The following MAP3K1 variants were observed in gnomAD, a reference collection of about 807,000 sequenced individuals.
MAP3K1 encodes mitogen-activated protein kinase kinase kinase 1, also known as MAP/ERK kinase kinase 1.
Under a neutral mutation model 144.2 loss-of-function variants are expected in MAP3K1, and 36 were observed. The ratio of observed to expected loss-of-function variants is 0.25; its 90% CI spans 0.19 to 0.33. The LOEUF is 0.33. Ranked by LOEUF, MAP3K1 falls within the 10% of genes least tolerant of loss-of-function variation. The probability of loss-of-function intolerance (pLI) is 1.00; values close to 1 mark genes in which losing one functional copy is unlikely to be tolerated. For missense variants in MAP3K1, 1,650 were observed against 1,881.9 expected (o/e 0.88, Z 2.28); for synonymous variants, 718 against 688.7 (o/e 1.04, Z -0.67).
In MAP3K1 at chr5:56,865,351, T is replaced by C; in HGVS notation, c.1047T>C (p.Cys349=). The C allele has an allele frequency of 1.2e-6, 2 of 1,602,254 alleles. No homozygotes were observed. Among genetic ancestry groups the C allele is most frequent in the Non-Finnish European group, 1.7e-6 (2 of 1,169,276 alleles). The stretch of plus-strand genomic sequence containing the variant: ...TTTTAACTCTTTAGAACTGCAGCTG[T>C]GCACGTGGAACATTCTGTATTCATC... The part of the protein sequence containing the change: ...RVFIGPQNCS[C]ARGTFCIHLL... Residue 349 remains cysteine (C), a synonymous_variant, in exon 5 of 20, where the codon TGT becomes TGC. Transcript: ENST00000399503.
chr5:56,860,586 C>G (rs1325445726), intron 3 of MAP3K1, among the ~76,000 whole-genome samples: 5 of 152,178 alleles, frequency 3.3e-5, no homozygotes, highest in Non-Finnish European at 7.3e-5. Flanking sequence ...GGAGCGGTGG[C>G]TCACATCTAT....
At chr5:56,833,896 G>A (rs780559246) in intron 1 of MAP3K1, among the ~76,000 whole-genome samples, 3 of 152,022 alleles carry the variant, frequency 2.0e-5, no homozygotes, top group Non-Finnish European at 4.4e-5. Context: ...ATAAGTTAAC[G>A]AATGCCTGCC....
At chr5:56,831,345 A>G (rs1760761297) in intron 1 of MAP3K1, among the ~76,000 whole-genome samples, 1 of 152,130 alleles carries the variant, frequency 6.6e-6, no homozygotes, top group Admixed American at 6.6e-5. Flanking sequence ...AGCAGGGGGT[A>G]GAAAAGGGAA....
chr5:56,875,318 G>A lies in MAP3K1; in HGVS notation c.1965+8G>A. Reference sequence around the variant, plus strand: ...GTGTACGTTGCTGCTTTAGTAAGTAGCTTTATTCCATAATCATATCATTAT... The same window carrying A: ...GTGTACGTTGCTGCTTTAGTAAGTAACTTTATTCCATAATCATATCATTAT... On this transcript the variant is annotated splice_region_variant and intron_variant, in intron 10 of 19. Coordinates refer to ENST00000399503, the MANE Select transcript of MAP3K1 (RefSeq NM_005921.2). The A allele has an allele frequency of 6.2e-7, 1 of 1,613,584 alleles. No homozygotes were observed. The highest frequency in any genetic ancestry group is 8.5e-7 in the Non-Finnish European group (1 of 1,179,910).
intron 6 of MAP3K1, among the ~76,000 whole-genome samples, chr5:56,866,945 T>A (rs917645970): frequency 1.3e-5 from 2 of 152,240 alleles, no homozygotes; most frequent in African/African-American, 4.8e-5. Flanking sequence ...CAAGAGGTTA[T>A]GCAGCTCATT....
chr5:56,887,873 T>G (rs1748431802), intron 18 of MAP3K1: 1 of 434,222 alleles, frequency 2.3e-6, no homozygotes, highest in Non-Finnish European at 4.2e-6. Flanking sequence ...GCAGCTCCTG[T>G]CTGTAGTGGA....
chr5:56,818,774 A>G (rs955954936), intron 1 of MAP3K1, among the ~76,000 whole-genome samples: 4 of 152,204 alleles, frequency 2.6e-5, no homozygotes, highest in South Asian at 4.1e-4. Flanking sequence ...AAACCAAACT[A>G]TCAATTTGCT....
chr5:56,831,490 T>G (rs1746491818), intron 1 of MAP3K1, among the ~76,000 whole-genome samples: 1 of 152,224 alleles, frequency 6.6e-6, no homozygotes, highest in Admixed American at 6.5e-5. Context: ...TTTCTAATGT[T>G]TATCTATTTG....
At chr5:56,819,116 T>C (rs757193292) in intron 1 of MAP3K1, among the ~76,000 whole-genome samples, 3 of 152,208 alleles carry the variant, frequency 2.0e-5, no homozygotes, top group Non-Finnish European at 4.4e-5. Flanking sequence ...TAATGCATTC[T>C]TCAAAGATGA....
rs1325634952 is a variant in MAP3K1, at chr5:56,844,181, TG to T, written c.483-12417del. 3.6e-3 allele frequency among the ~76,000 whole-genome samples: 483 copies of T among 133,966 alleles called. 10 individuals are homozygous for T. The highest frequency in any genetic ancestry group is 8.5e-3 in the African/African-American group (313 of 36,686). The allele number at this position is 133,966 out of a possible 152,430, so 87.9% of individuals were successfully genotyped here. On this transcript the variant is annotated intron_variant, in intron 1 of 19. Coordinates refer to ENST00000399503, the MANE Select transcript of MAP3K1 (RefSeq NM_005921.2). ...TTTAGTATTATAGGATTGTTTTTTT[TG>T]GTTTTTTTTTTTTTTTTTTTTTTTT...
Position 56,878,998 on chromosome 5 carries a change from C to A in MAP3K1, c.1984C>A (p.Leu662Met), listed in dbSNP as rs1387603610. 1 of 1,613,826 alleles carries A rather than the reference C, an allele frequency of 6.2e-7. No homozygotes were observed. Among genetic ancestry groups the A allele is most frequent in the South Asian group, 1.1e-5 (1 of 91,072 alleles). ...TCCTTAGAAAACATTGAGAGCCATG[C>A]TGGTATATACTCCTTGCCACAGTTT... ...VAALKTLRAM[L>M]VYTPCHSLAE... Residue 662 changes from leucine (L) to methionine (M), a missense_variant, in exon 11 of 20, where the codon CTG (leucine) becomes ATG (methionine). Transcript: ENST00000399503.
At position 56,886,040 on chromosome 5, in the gene MAP3K1, A is replaced by G. The variant is rs1446007617; in HGVS notation, c.4091A>G (p.Gln1364Arg). The change falls in exon 17 of 20, where the codon CAA (glutamine) becomes CGA (arginine). Residue 1364 changes from glutamine to arginine, a missense_variant. Gln to Arg is a conservative substitution (Grantham distance 43). Transcript: ENST00000399503. The part of the protein sequence containing the change: ...LRGLSYLHEN[Q>R]IIHRDVKGAN... Reference sequence around the variant, plus strand: ...GGCCTTTCGTATCTCCATGAAAACCAAATCATTCACAGAGATGTCAAAGGT... The same window carrying G: ...GGCCTTTCGTATCTCCATGAAAACCGAATCATTCACAGAGATGTCAAAGGT... 11 of 1,612,128 alleles carry G rather than the reference A, an allele frequency of 6.8e-6. No individual in the cohort carries two copies. The highest frequency in any genetic ancestry group is 9.3e-6 in the Non-Finnish European group (11 of 1,178,348).
At position 56,815,568 on chromosome 5, in the gene MAP3K1, G is replaced by T; in HGVS notation, c.-6G>T. The T allele has an allele frequency of 7.7e-7, 1 of 1,302,976 alleles. No homozygotes were observed. Among genetic ancestry groups the T allele is most frequent in the Non-Finnish European group, 9.7e-7 (1 of 1,028,480 alleles). 80.7% of individuals were successfully genotyped at this position (1,302,976 alleles called of 1,614,324 possible). ...GGGGCCGAGCGAATGTAGCCCGCGA[G>T]AGAAAATGGCGGCGGCGGCGGGGAA... On this transcript the variant is annotated 5_prime_UTR_variant, in exon 1 of 20. Coordinates refer to ENST00000399503, the MANE Select transcript of MAP3K1 (RefSeq NM_005921.2).
intron 10 of MAP3K1, among the ~76,000 whole-genome samples, chr5:56,876,111 A>G (rs750289857): frequency 3.6e-5 from 5 of 139,680 alleles, no homozygotes; most frequent in Admixed American, 8.2e-5. Flanking sequence ...TTCTGCGTAT[A>G]TGTCTCTTTA....
chr5:56,818,680 A>G lies in MAP3K1; in HGVS notation c.482+2625A>G, dbSNP rs552110679. Among the ~76,000 whole-genome samples, 86 of 152,302 alleles carry G rather than the reference A, an allele frequency of 5.6e-4. 1 individual carries two copies. The highest frequency in any genetic ancestry group is 1.7e-3 in the African/African-American group (72 of 41,570). On this transcript the variant is annotated intron_variant, in intron 1 of 19. Transcript: ENST00000399503. The stretch of plus-strand genomic sequence containing the variant: ...TTCTTCCTATTTACTGTCTTTGAAG[A>G]AAAATTACAGTGTTACTCTCCATTG...
intron 10 of MAP3K1, among the ~76,000 whole-genome samples, chr5:56,875,987 G>A (rs148643279): frequency 1.3e-5 from 2 of 152,118 alleles, no homozygotes; most frequent in East Asian, 3.9e-4. Context: ...CAAAGAAAAG[G>A]GTTCCATGAC....
chr5:56,816,713 A>C (rs1745985754), intron 1 of MAP3K1, among the ~76,000 whole-genome samples: 2 of 152,144 alleles, frequency 1.3e-5, no homozygotes, highest in African/African-American at 4.8e-5. Context: ...CGCCTGTCAA[A>C]GCCGTGCGGC....
intron 1 of MAP3K1, among the ~76,000 whole-genome samples, chr5:56,816,291 T>C (rs1356489777): frequency 6.6e-6 from 1 of 151,794 alleles, no homozygotes; most frequent in Non-Finnish European, 1.5e-5. Context: ...TTTGCAGACA[T>C]GTGACAGGCG....
intron 1 of MAP3K1, among the ~76,000 whole-genome samples, chr5:56,816,518 G>GC (rs1745974818): frequency 6.6e-6 from 1 of 152,064 alleles, no homozygotes; most frequent in African/African-American, 2.4e-5. Context: ...TGGGTGAGAA[G>GC]CCCGAGGTCG....
Sources: allele counts gnomAD v4.1 joint callset (sites outside exome capture counted in the v4.1 genomes callset), GRCh38; gene constraint gnomAD v4.1.1; transcripts MANE v1.5; gene names NCBI Gene and HGNC (gene_info 2026-07-23, HGNC 2026-07-21).